The following NAV3 variants were observed in gnomAD, a reference collection of about 807,000 sequenced individuals.
NAV3 encodes pore membrane and/or filament interacting like protein 1.
A neutral mutation model predicts 244.7 loss-of-function variants in NAV3; 87 were observed. The observed-to-expected ratio is 0.36, with a 90% CI of 0.30 to 0.42. NAV3 has a LOEUF of 0.42. Among genes scored for constraint, NAV3 ranks in the 20% least tolerant of loss-of-function variants. NAV3 has a pLI of 1.00. For missense variants in NAV3, 2,663 were observed against 2,893.3 expected (o/e 0.92, Z 1.83); for synonymous variants, 1,126 against 1,042.2 (o/e 1.08, Z -1.55).
At chr12:77,919,582 G>A (rs1482169006) in intron 1 of NAV3, among the ~76,000 whole-genome samples, 2 of 152,006 alleles carry the variant, frequency 1.3e-5, no homozygotes, top group Non-Finnish European at 2.9e-5. Flanking sequence ...AGTAAGAAAA[G>A]TATTCCAAAG....
chr12:77,839,727 A>C (rs535040705), intron 1 of NAV3, among the ~76,000 whole-genome samples: 10 of 152,326 alleles, frequency 6.6e-5, no homozygotes, highest in Non-Finnish European at 1.5e-4. Flanking sequence ...GTAGTGGAAT[A>C]GAGGAAGCAG....
At chr12:77,897,720 G>A (rs1348956536) in intron 1 of NAV3, among the ~76,000 whole-genome samples, 3 of 151,564 alleles carry the variant, frequency 2.0e-5, no homozygotes, top group Admixed American at 6.6e-5. Context: ...TTTTAGGGGT[G>A]GGGATTGTTG....
chr12:77,946,258 TGC>T (rs60482300), intron 3 of NAV3, among the ~76,000 whole-genome samples: 69,562 of 146,244 alleles, frequency 0.48, 16,976 homozygotes, highest in East Asian at 0.63. Flanking sequence ...TGTGTGTGTG[TGC>T]GCGTGCACCT....
chr12:78,130,348 C>G (rs1593710964), intron 18 of NAV3: 1 of 216,008 alleles, frequency 4.6e-6, no homozygotes, highest in Non-Finnish European at 1.0e-5. Context: ...TCTCTGAGGC[C>G]AAAGTCTCTG....
intron 2 of NAV3, among the ~76,000 whole-genome samples, chr12:77,576,779 G>C (rs1869106715): frequency 6.6e-6 from 1 of 151,980 alleles, no homozygotes. Flanking sequence ...GTTTAGTGAG[G>C]ATAGGTCTAG....
At position 78,212,077 on chromosome 12, in the gene NAV3, T is replaced by A. The variant is rs1960924781; in HGVS notation, c.*1560T>A. The stretch of plus-strand genomic sequence containing the variant: ...GGTGTGTTTGTCCTGTATTTACAGT[T>A]GTTTTTGACTATGCAGGAGCTATCA... On this transcript the variant is annotated 3_prime_UTR_variant, in exon 40 of 40. Transcript: ENST00000397909. 6.6e-6 allele frequency: 1 copy of A among 152,626 alleles called. No homozygotes were observed. The highest frequency in any genetic ancestry group is 2.4e-5 in the African/African-American group (1 of 41,454). The allele number at this position is 152,626 out of a possible 1,614,324, so 9.5% of individuals were successfully genotyped here.
intron 18 of NAV3, among the ~76,000 whole-genome samples, chr12:78,129,108 G>T (rs919622210): frequency 6.6e-6 from 1 of 152,054 alleles, no homozygotes; most frequent in Non-Finnish European, 1.5e-5. Flanking sequence ...TTCTAGTCTA[G>T]GCTCCAGAGG....
At chr12:78,028,312 A>T (rs1878420726) in intron 9 of NAV3, among the ~76,000 whole-genome samples, 1 of 152,240 alleles carries the variant, frequency 6.6e-6, no homozygotes, top group South Asian at 2.1e-4. Flanking sequence ...TAAATATTCA[A>T]TAGGCTGGTT....
At chr12:78,048,145 A>G (rs1882147658) in intron 9 of NAV3, among the ~76,000 whole-genome samples, 2 of 151,970 alleles carry the variant, frequency 1.3e-5, no homozygotes, top group African/African-American at 4.8e-5. Context: ...GCTTCCTTTC[A>G]TTGGGTTAGA....
At chr12:78,199,243 A>T in intron 36 of NAV3, 92 bp from the exon 37 acceptor site, 1 of 1,011,956 alleles carries the variant, frequency 9.9e-7, no homozygotes, top group Non-Finnish European at 1.5e-6. Context: ...ATTGGAAAGT[A>T]ATAATGAATA....
At chr12:78,109,198 T>G (rs79460659) in intron 12 of NAV3, among the ~76,000 whole-genome samples, 2 of 151,754 alleles carry the variant, frequency 1.3e-5, no homozygotes, top group Non-Finnish European at 2.9e-5. Context: ...ATGGAAAATA[T>G]AGAGAAATAG....
intron 2 of NAV3, among the ~76,000 whole-genome samples, chr12:77,670,660 C>T (rs965996298): frequency 1.6e-4 from 24 of 151,998 alleles, no homozygotes; most frequent in East Asian, 1.9e-4. Flanking sequence ...TGTGATACAC[C>T]GCTTAAGCAG....
At chr12:78,018,443 G>A (rs79739467) in intron 8 of NAV3, among the ~76,000 whole-genome samples, 8,848 of 152,166 alleles carry the variant, frequency 0.058, 382 homozygotes, top group Non-Finnish European at 0.09. Context: ...AAAACTATAC[G>A]GCTAAAATAC....
At chr12:77,900,021 CTT>C (rs1374138755) in intron 1 of NAV3, among the ~76,000 whole-genome samples, 1 of 151,688 alleles carries the variant, frequency 6.6e-6, no homozygotes, top group Non-Finnish European at 1.5e-5. Flanking sequence ...TTTTTCATCT[CTT>C]GCCCCTGTCC....
At chr12:77,778,990 TTAA>T (rs1330058905) in intron 2 of NAV3, among the ~76,000 whole-genome samples, 1 of 152,232 alleles carries the variant, frequency 6.6e-6, no homozygotes, top group Non-Finnish European at 1.5e-5. Context: ...GGAAAACACA[TTAA>T]TGGAATTTGA....
At chr12:77,602,435 A>G (rs888361079) in intron 2 of NAV3, among the ~76,000 whole-genome samples, 7 of 151,994 alleles carry the variant, frequency 4.6e-5, no homozygotes, top group East Asian at 1.9e-4. Flanking sequence ...CTTGATAGCT[A>G]TGTCCAATAG....
chr12:77,786,756 GCTTTTTTC>G, intron 2 of NAV3, among the ~76,000 whole-genome samples: 1 of 152,030 alleles, frequency 6.6e-6, no homozygotes, highest in African/African-American at 2.4e-5. Context: ...GTAGTCACCA[GCTTTTTTC>G]ATTTCTGACT....
intron 25 of NAV3, 111 bp downstream of exon 25, chr12:78,175,538 GCTACTGAGAC>G: frequency 7.3e-7 from 1 of 1,362,944 alleles, no homozygotes; most frequent in East Asian, 2.5e-5. Flanking sequence ...TCCCATTCAA[GCTACTGAGAC>G]CTCAAATGCT....
chr12:78,150,806 A>G (rs1241405834), intron 22 of NAV3, among the ~76,000 whole-genome samples: 1 of 151,966 alleles, frequency 6.6e-6, no homozygotes, highest in Admixed American at 6.6e-5. Flanking sequence ...TGCTCTAATT[A>G]TGCTTGTCAC....
Sources: allele counts gnomAD v4.1 joint callset (sites outside exome capture counted in the v4.1 genomes callset), GRCh38; gene constraint gnomAD v4.1.1; transcripts MANE v1.5; gene names NCBI Gene and HGNC (gene_info 2026-07-23, HGNC 2026-07-21).